OPRM1: variants seen among roughly 807,000 people sequenced by gnomAD.
OPRM1 encodes mu-type opioid receptor.
In OPRM1, 27 loss-of-function variants were observed where a neutral mutation model predicts 31.8. The observed-to-expected ratio is 0.85, with a 90% CI of 0.63 to 1.17. The LOEUF (loss-of-function observed/expected upper bound fraction) is 1.17. Among genes scored for constraint, OPRM1 ranks in the 50% most tolerant of loss-of-function variants. The probability of loss-of-function intolerance (pLI) is 0.00; values close to 1 mark genes in which losing one functional copy is unlikely to be tolerated. For missense variants in OPRM1, 536 were observed against 511.1 expected (o/e 1.05, Z -0.47); for synonymous variants, 196 against 189.9 (o/e 1.03, Z -0.26).
chr6:154,183,345 T>TGTA (rs1365218585), intron 3 of OPRM1, among the ~76,000 whole-genome samples: 1 of 152,234 alleles, frequency 6.6e-6, no homozygotes, highest in Non-Finnish European at 1.5e-5. Flanking sequence ...CTGCAATCTA[T>TGTA]GTACTTGCAT....
Position 154,131,556 on chromosome 6 carries a change from T to C in OPRM1, c.*12835T>C, listed in dbSNP as rs560010659. ...CTGCTCTGCACGTAGATTCAGTTTGTATGCCAGGGTGACATTTTAATTTAC... is the reference window on the plus strand; with the variant it reads ...CTGCTCTGCACGTAGATTCAGTTTGCATGCCAGGGTGACATTTTAATTTAC... On this transcript the variant is annotated 3_prime_UTR_variant, in exon 4 of 4. Coordinates refer to ENST00000330432, the MANE Select transcript of OPRM1 (RefSeq NM_000914.5). 3.3e-5 allele frequency among the ~76,000 whole-genome samples: 5 copies of C among 152,346 alleles called. No individual in the cohort carries two copies. The East Asian group carries it at 9.6e-4, about 29-fold the overall frequency.
intron 1 of OPRM1, among the ~76,000 whole-genome samples, chr6:154,063,885 GTTTA>G (rs1159099509): frequency 1.3e-5 from 2 of 151,914 alleles, no homozygotes; most frequent in African/African-American, 4.8e-5. Context: ...ACCACATTTG[GTTTA>G]TTTATTCATC....
chr6:154,056,411 C>T (rs748796056), intron 1 of OPRM1, among the ~76,000 whole-genome samples: 7 of 151,720 alleles, frequency 4.6e-5, no homozygotes, highest in South Asian at 2.1e-4. Context: ...CGTGAGCCAA[C>T]GCGCCCGGCC....
At chr6:154,107,991 G>A in intron 3 of OPRM1, 2 of 600,224 alleles carry the variant, frequency 3.3e-6, no homozygotes, top group South Asian at 2.3e-5. Context: ...TTATTTTATT[G>A]CCATTCATTC....
At chr6:154,072,237 G>A (rs768010420) in intron 1 of OPRM1, among the ~76,000 whole-genome samples, 56 of 152,164 alleles carry the variant, frequency 3.7e-4, no homozygotes, top group Non-Finnish European at 7.6e-4. Flanking sequence ...ATATATAAAT[G>A]TGGCCGTTAG....
chr6:154,135,465 A>G (rs1043361573), downstream of OPRM1, among the ~76,000 whole-genome samples: 13 of 151,276 alleles, frequency 8.6e-5, no homozygotes, highest in East Asian at 1.7e-3. Flanking sequence ...GTAAGACTCC[A>G]TGTAAAAAAA....
chr6:154,165,804 C>T (rs987404665), intron 3 of OPRM1, among the ~76,000 whole-genome samples: 11 of 152,252 alleles, frequency 7.2e-5, no homozygotes, highest in Non-Finnish European at 1.2e-4. Flanking sequence ...CACTCACTCA[C>T]TCTCACTGTG....
chr6:154,095,655 G>T (rs1488017468), intron 3 of OPRM1, among the ~76,000 whole-genome samples: 1 of 152,142 alleles, frequency 6.6e-6, no homozygotes, highest in East Asian at 1.9e-4. Context: ...GCCCTAAAGA[G>T]GTCTTTCCCT....
chr6:154,026,049 A>G lies in OPRM1; in HGVS notation c.1-13112A>G, dbSNP rs145294286. ...TCACCAGTGAGTTTTGTACCTTCAG[A>G]TGATTTCTTTTTGTTCATTAATGTC... On this transcript the variant is annotated intron_variant, in intron 1 of 5. Transcript: ENST00000434900. Among the ~76,000 whole-genome samples the G allele has an allele frequency of 1.0e-3, 153 of 152,100 alleles. 1 individual carries two copies. The highest frequency in any genetic ancestry group is 3.4e-3 in the African/African-American group (140 of 41,512).
At chr6:154,081,894 T>A (rs900243164) in intron 1 of OPRM1, among the ~76,000 whole-genome samples, 38 of 152,170 alleles carry the variant, frequency 2.5e-4, no homozygotes, top group Admixed American at 2.4e-3. Flanking sequence ...CAAAGGTGCC[T>A]CTTTGCTTAG....
At chr6:154,051,207 A>G (rs888950609) in intron 1 of OPRM1, among the ~76,000 whole-genome samples, 1 of 152,196 alleles carries the variant, frequency 6.6e-6, no homozygotes, top group Non-Finnish European at 1.5e-5. Flanking sequence ...ACAATTAGCA[A>G]ACTTTGGAAA....
intron 1 of OPRM1, among the ~76,000 whole-genome samples, chr6:154,019,563 C>A (rs777071457): frequency 6.6e-6 from 1 of 152,020 alleles, no homozygotes; most frequent in Non-Finnish European, 1.5e-5. Context: ...TTCCTCCCTC[C>A]CTCCAATCTC....
chr6:154,211,353 G>A (rs764920664), intron 3 of OPRM1, among the ~76,000 whole-genome samples: 23 of 151,616 alleles, frequency 1.5e-4, no homozygotes, highest in African/African-American at 1.9e-4. Context: ...AGCTTGCAGT[G>A]AGCCAAGATT....
intron 3 of OPRM1, among the ~76,000 whole-genome samples, chr6:154,097,323 A>G (rs1430249602): frequency 1.3e-5 from 2 of 152,204 alleles, no homozygotes; most frequent in Admixed American, 6.5e-5. Flanking sequence ...TTAACTGTGA[A>G]CTATATTATC....
chr6:154,214,424 C>G, intron 3 of OPRM1: 1 of 676,360 alleles, frequency 1.5e-6, no homozygotes, highest in Non-Finnish European at 2.7e-6. Flanking sequence ...GCCATCGAAA[C>G]CTAAGGCCTC....
In OPRM1 at chr6:154,212,889, C is replaced by T. The variant is rs772896897; in HGVS notation, c.1165-33804C>T. 49 of 1,370,506 alleles carry T rather than the reference C, an allele frequency of 3.6e-5. 1 individual carries two copies. The highest frequency in any genetic ancestry group is 2.0e-4 in the South Asian group (17 of 84,954). 84.9% of individuals were successfully genotyped at this position (1,370,506 alleles called of 1,614,324 possible). A position where few individuals can be genotyped will look rare whatever the true frequency, so the allele number is the denominator to read the frequency against. Reference sequence around the variant, plus strand: ...AAAATGAAAATGCTTAATGTTTTAACGCTGTCATCGCTTATTCCATAATGC... The same window carrying T: ...AAAATGAAAATGCTTAATGTTTTAATGCTGTCATCGCTTATTCCATAATGC... On this transcript the variant is annotated intron_variant, in intron 3 of 3. Transcript: ENST00000337049.
At chr6:154,076,543 C>T (rs549817190) in intron 1 of OPRM1, among the ~76,000 whole-genome samples, 2 of 152,216 alleles carry the variant, frequency 1.3e-5, no homozygotes, top group South Asian at 4.2e-4. Context: ...TATGGCTAGA[C>T]ACGGTGGCTC....
At chr6:154,068,558 C>T (rs189852072) in intron 1 of OPRM1, among the ~76,000 whole-genome samples, 166 of 152,230 alleles carry the variant, frequency 1.1e-3, no homozygotes, top group African/African-American at 1.5e-3. Flanking sequence ...ATGGCTAAGT[C>T]GTATCCCATT....
chr6:154,058,962 G>A (rs1783871850), intron 1 of OPRM1, among the ~76,000 whole-genome samples: 1 of 152,188 alleles, frequency 6.6e-6, no homozygotes, highest in African/African-American at 2.4e-5. Context: ...TTTGAATTGA[G>A]AGCTACATTA....
Sources: allele counts gnomAD v4.1 joint callset (sites outside exome capture counted in the v4.1 genomes callset), GRCh38; gene constraint gnomAD v4.1.1; transcripts MANE v1.5; gene names NCBI Gene and HGNC (gene_info 2026-07-23, HGNC 2026-07-21).